Variants in HS1BP3 observed in about 807,000 individuals in gnomAD.
The protein encoded by HS1BP3 is HCLS1-binding protein 3.
A neutral mutation model predicts 33.5 loss-of-function variants in HS1BP3; 32 were observed. The observed-to-expected ratio is 0.95, with a 90% confidence interval of 0.72 to 1.28. The LOEUF (loss-of-function observed/expected upper bound fraction) is 1.28. HS1BP3 is among the 50% of genes most tolerant of loss of function. The pLI is 0.00. For missense variants in HS1BP3, 486 were observed against 502.3 expected, an observed-to-expected ratio of 0.97 and a Z score of 0.31; for synonymous variants, 187 against 209.2, an observed-to-expected ratio of 0.89 and a Z score of 0.92.
At chr2:20,622,267 G>T (rs1006715036) in intron 6 of HS1BP3, 1 of 1,304,356 alleles carries the variant, frequency 7.7e-7, no homozygotes, top group Non-Finnish European at 1.0e-6. Context: ...GAATGAATGT[G>T]GTTCCTGCTC....
chr2:20,645,420 C>T lies in HS1BP3; in HGVS notation c.118G>A (p.Glu40Lys). The change falls in exon 2 of 7, where the codon GAG becomes AAG. Residue 40 changes from glutamate to lysine, a missense_variant. Glu to Lys is a moderately conservative substitution (Grantham distance 56). Transcript: ENST00000304031. The part of the protein sequence containing the change: ...VRGKMMSGHV[E>K]YQILVVTRLA... ...CGGGTCACCACCAGGATCTGGTACT[C>T]CACGTGTCCAGACATCATCTTGCCC... is the stretch of plus-strand genomic sequence containing the variant. The T allele has an allele frequency of 1.2e-6, 2 of 1,614,166 alleles. No homozygotes were observed. Among genetic ancestry groups the T allele is most frequent in the Non-Finnish European group, 1.7e-6 (2 of 1,180,010 alleles).
intron 4 of HS1BP3, chr2:20,636,615 A>G (rs1014908432): frequency 6.6e-6 from 1 of 152,238 alleles, no homozygotes; most frequent in African/African-American, 2.4e-5. Flanking sequence ...AAACGTTGAA[A>G]TAGAATAGAA....
rs149950964 is a variant in HS1BP3, at chr2:20,609,830, G to A, written c.179-11565C>T. ...GGAGGTGTCCTTTCCCTCAGAGGGTGCCCCCAGCCCCTTGACTCAGTTTTT... is the reference window on the plus strand; with the variant it reads ...GGAGGTGTCCTTTCCCTCAGAGGGTACCCCCAGCCCCTTGACTCAGTTTTT... On this transcript the variant is annotated intron_variant, in intron 2 of 3. Coordinates refer to the HS1BP3 transcript ENST00000415264. 2.2e-4 allele frequency among the ~76,000 whole-genome samples: 34 copies of A among 152,240 alleles called. No individual in the cohort carries two copies. The East Asian group carries it at 6.4e-3, about 29-fold the overall frequency.
At chr2:20,562,853 A>C (rs1435849) in intron 5 of HS1BP3, among the ~76,000 whole-genome samples, 1 of 152,100 alleles carries the variant, frequency 6.6e-6, no homozygotes, top group Non-Finnish European at 1.5e-5. Flanking sequence ...TGAGCTGTGT[A>C]TGAGAGAAAG....
chr2:20,633,654 C>T (rs1049292842), intron 4 of HS1BP3, among the ~76,000 whole-genome samples: 2 of 152,204 alleles, frequency 1.3e-5, no homozygotes, highest in Non-Finnish European at 2.9e-5. Context: ...TCCTGAGTAG[C>T]TGGGATTACA....
intron 3 of HS1BP3, among the ~76,000 whole-genome samples, chr2:20,595,065 T>G (rs1227345400): frequency 1.3e-5 from 2 of 152,144 alleles, no homozygotes; most frequent in South Asian, 2.1e-4. Flanking sequence ...CTTCCCTGAA[T>G]GAGGGAGACA....
chr2:20,637,037 C>G (rs572911756), intron 4 of HS1BP3: 7 of 148,714 alleles, frequency 4.7e-5, no homozygotes, highest in African/African-American at 7.4e-5. Flanking sequence ...TGCCCCCGCC[C>G]CCCCCGCCCC....
chr2:20,646,516 G>A (rs1695524259), intron 1 of HS1BP3, among the ~76,000 whole-genome samples: 1 of 152,242 alleles, frequency 6.6e-6, no homozygotes, highest in East Asian at 1.9e-4. Flanking sequence ...TCACCAACTG[G>A]TGAGGCCTAC....
intron 5 of HS1BP3, among the ~76,000 whole-genome samples, chr2:20,577,611 C>T (rs1168964752): frequency 2.0e-5 from 3 of 152,146 alleles, no homozygotes; most frequent in Non-Finnish European, 2.9e-5. Flanking sequence ...CTCCCAGCAC[C>T]GCCATCTGGG....
At chr2:20,621,690 G>A (rs952049831) in intron 6 of HS1BP3, among the ~76,000 whole-genome samples, 1 of 152,380 alleles carries the variant, frequency 6.6e-6, no homozygotes, top group Admixed American at 6.5e-5. Context: ...GCCGCTAGAG[G>A]CTTATGTCAG....
intron 5 of HS1BP3, among the ~76,000 whole-genome samples, chr2:20,581,508 C>T (rs1467349816): frequency 6.6e-6 from 1 of 152,150 alleles, no homozygotes; most frequent in Non-Finnish European, 1.5e-5. Flanking sequence ...CACCACCATG[C>T]CTGGCTAATT....
rs985858827 is a variant in HS1BP3 at position 20,564,655 on chromosome 2, C to T, written c.303-4140G>A. Among the ~76,000 whole-genome samples, 12 of 152,008 alleles carry T rather than the reference C, an allele frequency of 7.9e-5. 1 individual carries two copies. The South Asian group carries it at 1.0e-3, about 13-fold the overall frequency. ...TGTACCACCATGCCTGGGTAAGTTT[C>T]GTATTTTTAGTAGAGATGGAGTTTC... On this transcript the variant is annotated intron_variant, in intron 5 of 5. Coordinates refer to the HS1BP3 transcript ENST00000446825.
At chr2:20,559,386 C>G (rs1448227192), downstream of HS1BP3, among the ~76,000 whole-genome samples, 1 of 152,248 alleles carries the variant, frequency 6.6e-6, no homozygotes, top group Non-Finnish European at 1.5e-5. Flanking sequence ...TCTACAGGGT[C>G]TCCCAGTGCT....
intron 3 of HS1BP3, among the ~76,000 whole-genome samples, chr2:20,596,486 A>T (rs1278656830): frequency 2.6e-5 from 4 of 152,214 alleles, no homozygotes; most frequent in Admixed American, 2.6e-4. Flanking sequence ...ACATGTGAGG[A>T]CATGGTGAGA....
chr2:20,616,375 G>C (rs557335546), downstream of HS1BP3, among the ~76,000 whole-genome samples: 1 of 152,304 alleles, frequency 6.6e-6, no homozygotes, highest in South Asian at 2.1e-4. Flanking sequence ...CTCTACTTCA[G>C]CATCCCTGGG....
chr2:20,625,809 G>A (rs904834323), intron 4 of HS1BP3, among the ~76,000 whole-genome samples: 2 of 152,156 alleles, frequency 1.3e-5, no homozygotes, highest in Admixed American at 6.5e-5. Flanking sequence ...CGGTAGTTAC[G>A]GGCTGGATAA....
At chr2:20,624,654 G>T in intron 5 of HS1BP3, 78 bp downstream of exon 5, 1 of 1,376,232 alleles carries the variant, frequency 7.3e-7, no homozygotes, top group Non-Finnish European at 9.9e-7. Context: ...TATTCACGCC[G>T]GGTGAGTCCA....
At chr2:20,580,458 G>T (rs1420120757) in intron 5 of HS1BP3, among the ~76,000 whole-genome samples, 1 of 152,124 alleles carries the variant, frequency 6.6e-6, no homozygotes, top group African/African-American at 2.4e-5. Context: ...GGTAGAGGTT[G>T]CAGTGAGCCA....
At chr2:20,590,582 A>G (rs1693789498), downstream of HS1BP3, among the ~76,000 whole-genome samples, 3 of 152,102 alleles carry the variant, frequency 2.0e-5, no homozygotes. Flanking sequence ...CCTCTTCCTC[A>G]TGGCATGGCC....
Sources: gnomAD v4.1 joint callset for allele counts (sites outside exome capture counted in the v4.1 genomes callset) on GRCh38, gnomAD v4.1.1 for gene constraint, MANE v1.5 for transcripts, NCBI Gene and HGNC (gene_info 2026-07-23, HGNC 2026-07-21) for gene names.